BBS9: variants seen among roughly 807,000 people sequenced by gnomAD.
BBS9 encodes the protein Bardet-Biedl syndrome 9.
Under a neutral mutation model 117.7 loss-of-function variants are expected in BBS9, and 89 were observed. The observed-to-expected ratio is 0.76, with a 90% CI of 0.64 to 0.90. The LOEUF (loss-of-function observed/expected upper bound fraction) is 0.90. Among genes scored for constraint, BBS9 ranks in the 40% least tolerant of loss-of-function variants. The pLI is 0.00. For missense variants in BBS9, 982 were observed against 1,042.2 expected (o/e 0.94, Z 0.80); for synonymous variants, 379 against 370.9 (o/e 1.02, Z -0.25).
intron 20 of BBS9, among the ~76,000 whole-genome samples, chr7:33,507,547 G>A (rs2129018490): frequency 6.6e-6 from 1 of 152,220 alleles, no homozygotes; most frequent in South Asian, 2.1e-4. Context: ...ATCTGGCCCA[G>A]TCTTAGTAAC....
intron 9 of BBS9, among the ~76,000 whole-genome samples, chr7:33,291,605 C>T (rs1261868485): frequency 6.6e-6 from 1 of 152,058 alleles, no homozygotes; most frequent in Non-Finnish European, 1.5e-5. Context: ...GATTAATGAA[C>T]CTTGAGTTTT....
rs73092714 is a variant in BBS9 at position 33,597,591 on chromosome 7, G to A, written c.2522-7274G>A. On this transcript the variant is annotated intron_variant, in intron 21 of 22. Coordinates refer to ENST00000242067, the MANE Select transcript of BBS9 (RefSeq NM_198428.3). ...TTCAAATATACCCACAGAACAGCTT[G>A]CCAGCCCTCTGGATTTTCTGTATCA... 1.7e-3 allele frequency among the ~76,000 whole-genome samples: 260 copies of A among 152,220 alleles called. 1 individual carries two copies. Among genetic ancestry groups the A allele is most frequent in the Non-Finnish European group, 3.2e-3 (218 of 68,010 alleles).
At chr7:33,257,451 G>A (rs1282674799) in intron 6 of BBS9, 41 bp downstream of exon 6, 1 of 1,596,656 alleles carries the variant, frequency 6.3e-7, no homozygotes, top group Non-Finnish European at 8.6e-7. Flanking sequence ...TGATTTTTTG[G>A]TGCGTTTGTT....
chr7:33,599,087 C>A (rs929112053), intron 21 of BBS9, among the ~76,000 whole-genome samples: 3 of 152,172 alleles, frequency 2.0e-5, no homozygotes, highest in African/African-American at 7.2e-5. Flanking sequence ...ATCTGGCCAA[C>A]CCCCTGGTTT....
intron 21 of BBS9, among the ~76,000 whole-genome samples, chr7:33,588,963 C>A (rs1861421280): frequency 6.6e-6 from 1 of 152,034 alleles, no homozygotes; most frequent in African/African-American, 2.4e-5. Flanking sequence ...ATTTGCTTTT[C>A]CTCTGGGTGA....
chr7:33,451,642 T>A (rs985350006), intron 19 of BBS9, among the ~76,000 whole-genome samples: 2 of 152,208 alleles, frequency 1.3e-5, no homozygotes, highest in African/African-American at 4.8e-5. Context: ...GTCTCCAGCT[T>A]TGTTCTGTCT....
At chr7:33,542,688 C>T (rs527708874) in intron 21 of BBS9, among the ~76,000 whole-genome samples, 1 of 141,162 alleles carries the variant, frequency 7.1e-6, no homozygotes, top group East Asian at 2.1e-4. Context: ...GCGTAGTATT[C>T]CATTATATAT....
intron 5 of BBS9, among the ~76,000 whole-genome samples, chr7:33,229,422 C>G (rs984875656): frequency 6.6e-6 from 1 of 151,944 alleles, no homozygotes; most frequent in African/African-American, 2.4e-5. Flanking sequence ...CTGTTTTGTT[C>G]TATGTATTGG....
At chr7:33,363,196 AG>A (rs1820955602) in intron 16 of BBS9, among the ~76,000 whole-genome samples, 2 of 152,104 alleles carry the variant, frequency 1.3e-5, no homozygotes, top group African/African-American at 4.8e-5. Flanking sequence ...TTCGCCTCCC[AG>A]GTTCAAGCAA....
At chr7:33,190,485 C>A (rs528889944) in intron 5 of BBS9, among the ~76,000 whole-genome samples, 1 of 152,276 alleles carries the variant, frequency 6.6e-6, no homozygotes, top group South Asian at 2.1e-4. Flanking sequence ...AAACTGAAGA[C>A]TCCCTTGGTT....
chr7:33,374,900 T>C (rs1584545140), intron 17 of BBS9, among the ~76,000 whole-genome samples: 1 of 63,376 alleles, frequency 1.6e-5, no homozygotes, highest in African/African-American at 6.8e-5. Flanking sequence ...AAACTCCGTC[T>C]CAAAAAAAAA....
intron 1 of BBS9, among the ~76,000 whole-genome samples, chr7:33,141,945 T>C (rs1791531316): frequency 6.6e-6 from 1 of 152,142 alleles, no homozygotes; most frequent in African/African-American, 2.4e-5. Context: ...AATTCTTTTT[T>C]TTTTTCTCGA....
chr7:33,605,371 T>C lies in BBS9; in HGVS notation c.*145T>C. 1.2e-6 allele frequency: 1 copy of C among 838,550 alleles called. No homozygotes were observed. Among genetic ancestry groups the C allele is most frequent in the South Asian group, 1.4e-5 (1 of 71,190 alleles). The allele number at this position is 838,550 out of a possible 1,614,324, so 51.9% of individuals were successfully genotyped here. On this transcript the variant is annotated 3_prime_UTR_variant, in exon 23 of 23. Transcript: ENST00000242067. ...GAGATGACATGCATAGAAAGAGGGG[T>C]TGGGACTTTTTACTTCACTAGGAGA...
chr7:33,539,665 T>C (rs889089530), intron 21 of BBS9, among the ~76,000 whole-genome samples: 1 of 152,234 alleles, frequency 6.6e-6, no homozygotes, highest in Non-Finnish European at 1.5e-5. Context: ...TCCTTTGATA[T>C]GCAAGTTATT....
chr7:33,379,538 T>C (rs1223773883), intron 17 of BBS9, among the ~76,000 whole-genome samples: 2 of 152,194 alleles, frequency 1.3e-5, no homozygotes, highest in East Asian at 3.9e-4. Flanking sequence ...TTTGAAAAAT[T>C]AGCACTGTGA....
chr7:33,131,913 G>T lies in BBS9; in HGVS notation c.-12+1872G>T, dbSNP rs1403697402. On this transcript the variant is annotated intron_variant, in intron 1 of 22. Transcript: ENST00000242067. ...GAGTAAACTTGTTGTAGAAAAAAAA[G>T]TATTCAAAACAAAAAAGTGTCAAGT... Among the ~76,000 whole-genome samples the T allele has an allele frequency of 2.6e-5, 4 of 152,106 alleles. No homozygotes were observed. The South Asian group carries it at 6.2e-4, about 24-fold the overall frequency.
chr7:33,363,953 AT>A lies in BBS9; in HGVS notation c.1694-3801del, dbSNP rs1394489782. ...ATTTTTATTTTTTTTTTTATTTTTT[AT>A]TTTTTTTTTTTTGAGACGGAGTCTC... On this transcript the variant is annotated intron_variant, in intron 16 of 22. Transcript: ENST00000242067. 8.0e-4 allele frequency among the ~76,000 whole-genome samples: 24 copies of A among 30,128 alleles called. 3 individuals are homozygous for A. Among genetic ancestry groups the A allele is most frequent in the African/African-American group, 1.8e-3 (11 of 6,040 alleles). 19.8% of individuals were successfully genotyped at this position (30,128 alleles called of 152,430 possible).
chr7:33,524,324 G>A (rs1849126177), intron 20 of BBS9, among the ~76,000 whole-genome samples: 1 of 152,136 alleles, frequency 6.6e-6, no homozygotes, highest in Non-Finnish European at 1.5e-5. Context: ...AGAAGGAATG[G>A]TACCAGTTCC....
At chr7:33,590,464 T>G (rs1396997229) in intron 21 of BBS9, among the ~76,000 whole-genome samples, 1 of 147,036 alleles carries the variant, frequency 6.8e-6, no homozygotes, top group Non-Finnish European at 1.5e-5. Context: ...TTTTTGTTTT[T>G]TTTTTTTTTT....
Sources: allele counts gnomAD v4.1 joint callset (sites outside exome capture counted in the v4.1 genomes callset), GRCh38; gene constraint gnomAD v4.1.1; transcripts MANE v1.5; gene names NCBI Gene and HGNC (gene_info 2026-07-23, HGNC 2026-07-21).